Variants in JADE2 observed in about 807,000 individuals in gnomAD.
The protein encoded by JADE2 is E3 ubiquitin-protein ligase Jade-2.
In JADE2, 13 loss-of-function variants were observed where a neutral mutation model predicts 85.7. The ratio of observed to expected loss-of-function variants is 0.15; its 90% CI spans 0.10 to 0.24. The LOEUF (loss-of-function observed/expected upper bound fraction) is 0.24, where lower values mean the gene tolerates loss of function less well. Among genes scored for constraint, JADE2 ranks in the 10% least tolerant of loss-of-function variants. JADE2 has a pLI of 1.00. For missense variants in JADE2, 846 were observed against 1,115.9 expected, an observed-to-expected ratio of 0.76 and a Z score of 3.45; for synonymous variants, 440 against 456.1, an observed-to-expected ratio of 0.96 and a Z score of 0.45.
Position 134,559,422 on chromosome 5 carries a change from G to A in JADE2, c.312-408G>A, listed in dbSNP as rs192161541. Among the ~76,000 whole-genome samples, 6 of 152,344 alleles carry A rather than the reference G, an allele frequency of 3.9e-5. No homozygotes were observed. In the East Asian group the frequency reaches 1.2e-3, roughly 29 times the overall value. ...GCTGGCACAGGGCATTGCCCATGAT[G>A]GCACATAGGATACCTCTTACAGGCC... On this transcript the variant is annotated intron_variant, in intron 4 of 11. Transcript: ENST00000681547.
chr5:134,552,987 C>CTT (rs34182692), intron 4 of JADE2, among the ~76,000 whole-genome samples: 9,177 of 62,396 alleles, frequency 0.15, 1,750 homozygotes, highest in East Asian at 0.24. Context: ...TGGGCCTGGC[C>CTT]TTTTTTTTTT....
rs371350576 is a variant in JADE2, at chr5:134,579,079, G to A, written c.2267G>A (p.Arg756His). 2.8e-5 allele frequency: 45 copies of A among 1,613,916 alleles called. No homozygotes were observed. Among genetic ancestry groups the A allele is most frequent in the African/African-American group, 6.7e-5 (5 of 74,946 alleles). ...CCTTTGGGCCGGCTCCGGCCACCCC[G>A]CGAGAGCAAGGTAACCCGGAGATTG... is the stretch of plus-strand genomic sequence containing the variant. ...PKPLGRLRPPRESKVTRRLPG... is the reference protein window; with the variant it reads ...PKPLGRLRPPHESKVTRRLPG... The change falls in exon 12 of 12, where the codon CGC becomes CAC. Residue 756 changes from arginine (R) to histidine (H), a missense_variant. Around this residue, in one of 9 missense-constraint regions of JADE2, gnomAD observed 300 missense variants for 300.7 expected, o/e 1.00. Transcript: ENST00000681547. This position sits in a 1 kb window ranked among gnomAD's most constrained non-coding sequence, Gnocchi z 4.6.
intron 4 of JADE2, among the ~76,000 whole-genome samples, chr5:134,555,681 C>G (rs1256496657): frequency 6.6e-6 from 1 of 152,234 alleles, no homozygotes; most frequent in Non-Finnish European, 1.5e-5. Context: ...CACCCCCACT[C>G]AGCATGTGCT....
intron 8 of JADE2, 25 bp downstream of exon 8, chr5:134,564,635 C>G: frequency 3.5e-6 from 5 of 1,424,014 alleles, no homozygotes; most frequent in Non-Finnish European, 4.8e-6. Flanking sequence ...TCACCTCCTG[C>G]TGCCAGGAGC....
At position 134,566,529 on chromosome 5, in the gene JADE2, C is replaced by T. The variant is rs1339350458; in HGVS notation, c.1383C>T (p.Val461=). The change falls in exon 9 of 12, where the codon GTC becomes GTT. Residue 461 remains valine (V), a synonymous_variant. Transcript: ENST00000681547. This position sits in a 1 kb window ranked among gnomAD's most constrained non-coding sequence, Gnocchi z 6.7. ...VDNLAQQEQD[V]LYRRLKLFTH... ...ACCTGGCCCAGCAGGAGCAGGACGT[C>T]CTCTACCGCCGCCTGAAGCTCTTCA... is the stretch of plus-strand genomic sequence containing the variant. 1.3e-6 allele frequency: 2 copies of T among 1,593,438 alleles called. No individual in the cohort carries two copies. Among genetic ancestry groups the T allele is most frequent in the South Asian group, 1.1e-5 (1 of 88,570 alleles).
chr5:134,538,666 G>C (rs1761753366), intron 3 of JADE2, among the ~76,000 whole-genome samples: 2 of 152,076 alleles, frequency 1.3e-5, no homozygotes, highest in African/African-American at 4.8e-5. Flanking sequence ...GGGGTGGGTA[G>C]ACTCCTGGAC....
chr5:134,538,065 C>T lies in JADE2; in HGVS notation c.135C>T (p.Asn45=), dbSNP rs561754739. The T allele has an allele frequency of 1.1e-5, 18 of 1,613,928 alleles. No homozygotes were observed. The highest frequency in any genetic ancestry group is 5.0e-5 in the Admixed American group (3 of 60,016). Reference sequence around the variant, plus strand: ...CCAAGTCGGGCTGGCCCCGACAGAACGAAAAGAAGCCCTCCGAGGTGGGTA... The same window carrying T: ...CCAAGTCGGGCTGGCCCCGACAGAATGAAAAGAAGCCCTCCGAGGTGGGTA... ...SSTKSGWPRQ[N]EKKPSEVFRT... Residue 45 remains asparagine, a synonymous_variant, in exon 3 of 12, where the codon AAC becomes AAT. Coordinates refer to ENST00000681547, the MANE Select transcript of JADE2 (RefSeq NM_001388185.1).
At chr5:134,563,821 C>T (rs900236481) in intron 7 of JADE2, among the ~76,000 whole-genome samples, 4 of 152,194 alleles carry the variant, frequency 2.6e-5, no homozygotes, top group Non-Finnish European at 5.9e-5. Flanking sequence ...TCATGAAGAC[C>T]CTTTGGCTCA....
intron 7 of JADE2, among the ~76,000 whole-genome samples, chr5:134,563,896 T>C (rs1390406704): frequency 6.6e-6 from 1 of 152,154 alleles, no homozygotes; most frequent in Non-Finnish European, 1.5e-5. Context: ...AAATGTGCCC[T>C]GCCTCTGGGC....
rs1168180743 is a variant in JADE2 at position 134,562,335 on chromosome 5, G to C, written c.820G>C (p.Val274Leu). ...GCCCACTAGAAGTGGGACCAAGTGG[G>C]TGCATGTCAGCTGTGCCCTATGGAT... ...LKPTRSGTKW[V>L]HVSCALWIPE... is the part of the protein sequence containing the mutation. The change falls in exon 7 of 12, where the codon GTG becomes CTG. Residue 274 changes from valine (V) to leucine (L), a missense_variant. Physicochemically the swap from Val to Leu is conservative, Grantham distance 32. Coordinates refer to ENST00000681547, the MANE Select transcript of JADE2 (RefSeq NM_001388185.1). This position sits in a 1 kb window ranked among gnomAD's most constrained non-coding sequence, Gnocchi z 4.6. The C allele has an allele frequency of 6.2e-7, 1 of 1,613,910 alleles. No individual in the cohort carries two copies.
At chr5:134,565,953 C>G (rs535145587) in intron 8 of JADE2, among the ~76,000 whole-genome samples, 163 bp from the exon 9 acceptor site, 1 of 151,832 alleles carries the variant, frequency 6.6e-6, no homozygotes, top group East Asian at 2.0e-4. Flanking sequence ...TCCTCCCCTG[C>G]CGTAACTCCC....
intron 3 of JADE2, among the ~76,000 whole-genome samples, chr5:134,543,684 A>G (rs1319677885): frequency 6.6e-6 from 1 of 152,062 alleles, no homozygotes; most frequent in African/African-American, 2.4e-5. Context: ...CTCAAAAACA[A>G]AAAAAAGCAA....
At chr5:134,549,261 C>T (rs1261649062) in intron 3 of JADE2, among the ~76,000 whole-genome samples, 1 of 152,120 alleles carries the variant, frequency 6.6e-6, no homozygotes, top group Non-Finnish European at 1.5e-5. Flanking sequence ...CGGTGGCTCA[C>T]GCCTGTAATC....
At chr5:134,543,393 C>A (rs1289806860) in intron 3 of JADE2, among the ~76,000 whole-genome samples, 1 of 151,536 alleles carries the variant, frequency 6.6e-6, no homozygotes, top group Non-Finnish European at 1.5e-5. Flanking sequence ...CTGCCATAGG[C>A]CCGGTGCGGT....
chr5:134,525,505 TG>T (rs1232362639), upstream of JADE2, among the ~76,000 whole-genome samples: 1 of 134,268 alleles, frequency 7.4e-6, no homozygotes, highest in Admixed American at 7.3e-5. Flanking sequence ...GGCGGGGGGT[TG>T]GGGGGGCGGC....
chr5:134,525,309 T>C (rs910518126), upstream of JADE2, among the ~76,000 whole-genome samples: 1 of 152,004 alleles, frequency 6.6e-6, no homozygotes, highest in Non-Finnish European at 1.5e-5. Context: ...CTGATGGGAC[T>C]TGCACGGGCG....
chr5:134,548,899 C>T (rs938176550), intron 3 of JADE2, among the ~76,000 whole-genome samples: 5 of 152,204 alleles, frequency 3.3e-5, no homozygotes, highest in African/African-American at 4.8e-5. Flanking sequence ...GGGATTTTGG[C>T]CACTGGGTAT....
rs1179231658 is a variant in JADE2 at position 134,580,168 on chromosome 5, C to G, written c.*851C>G. On this transcript the variant is annotated 3_prime_UTR_variant, in exon 12 of 12. Coordinates refer to ENST00000681547, the MANE Select transcript of JADE2 (RefSeq NM_001388185.1). ...AGAATCACTCTGAGGCTCCAACTTC[C>G]TTCCTTCCTTCGGGGCCAGTCTCGG... is the stretch of plus-strand genomic sequence containing the variant. 2.0e-5 allele frequency: 3 copies of G among 152,588 alleles called. No homozygotes were observed. The highest frequency in any genetic ancestry group is 4.4e-5 in the Non-Finnish European group (3 of 68,030). The allele number at this position is 152,588 out of a possible 1,614,324, so 9.5% of individuals were successfully genotyped here.
intron 1 of JADE2, among the ~76,000 whole-genome samples, chr5:134,527,981 CAG>C (rs1760977642): frequency 6.6e-6 from 1 of 152,128 alleles, no homozygotes; most frequent in Admixed American, 6.5e-5. Flanking sequence ...TATCCCGGGT[CAG>C]AGTTTGTAGG....
Sources: gnomAD v4.1 joint callset for allele counts (sites outside exome capture counted in the v4.1 genomes callset) on GRCh38, gnomAD v4.1.1 for gene constraint, gnomAD v4.1.1 regional missense constraint, Gnocchi (gnomAD v3.1) non-coding constraint, MANE v1.5 for transcripts, NCBI Gene and HGNC (gene_info 2026-07-23, HGNC 2026-07-21) for gene names.